Variants in USH2A observed in about 807,000 individuals in gnomAD.
USH2A encodes Usher syndrome 2A (autosomal recessive, mild).
A neutral mutation model predicts 538.9 loss-of-function variants in USH2A; 443 were observed. That is an observed-to-expected ratio of 0.82 (90% CI 0.76 to 0.89). The LOEUF is 0.89. Among genes scored for constraint, USH2A ranks in the 40% least tolerant of loss-of-function variants. USH2A has a pLI of 0.00. For missense variants in USH2A, 6,633 were observed against 6,324.8 expected (o/e 1.05, Z -1.65); for synonymous variants, 2,413 against 2,273.5 (o/e 1.06, Z -1.75).
intron 71 of USH2A, 89 bp from the exon 72 acceptor site, chr1:215,625,959 AG>A: frequency 7.5e-7 from 1 of 1,325,852 alleles, no homozygotes. Context: ...AAGTGTAAAA[AG>A]TAATAAGTAT....
At chr1:215,785,442 C>T (rs1234796468) in intron 52 of USH2A, among the ~76,000 whole-genome samples, 1 of 152,138 alleles carries the variant, frequency 6.6e-6, no homozygotes, top group Non-Finnish European at 1.5e-5. Context: ...TGGCGAGTAA[C>T]TTTTACAGAT....
intron 35 of USH2A, among the ~76,000 whole-genome samples, chr1:215,985,062 G>T (rs912419142): frequency 6.6e-6 from 1 of 152,108 alleles, no homozygotes; most frequent in Admixed American, 6.6e-5. Context: ...AGTTACGCAA[G>T]GTTTGCTCAA....
At chr1:215,925,674 T>G (rs981382600) in intron 38 of USH2A, among the ~76,000 whole-genome samples, 2 of 149,418 alleles carry the variant, frequency 1.3e-5, no homozygotes, top group East Asian at 1.9e-4. Context: ...CATCTTAGCC[T>G]ATTGCTTATT....
chr1:215,659,950 T>C (rs938026630), intron 64 of USH2A, among the ~76,000 whole-genome samples: 4 of 152,196 alleles, frequency 2.6e-5, no homozygotes, highest in Non-Finnish European at 5.9e-5. Context: ...AATAACAACA[T>C]CTATCCCACA....
At chr1:216,039,031 C>G (rs895853868) in intron 32 of USH2A, among the ~76,000 whole-genome samples, 2 of 151,986 alleles carry the variant, frequency 1.3e-5, no homozygotes, top group Non-Finnish European at 2.9e-5. Flanking sequence ...TATTTTATTT[C>G]TTCACATACG....
Position 215,888,581 on chromosome 1 carries a change from G to C in USH2A, c.8068C>G (p.Leu2690Val). ...TATTCATATTTTGTCCATGGGCTAA[G>C]AGCAGAAGTCTTGTCAATAAACCTC... ...SMRFIDKTSA[L>V]SPWTKYEYRV... Residue 2690 changes from leucine to valine, a missense_variant, in exon 41 of 72, where the codon CTT becomes GTT. Coordinates refer to ENST00000307340, the MANE Select transcript of USH2A (RefSeq NM_206933.4). 1 of 1,614,172 alleles carries C rather than the reference G, an allele frequency of 6.2e-7. No individual in the cohort carries two copies. The highest frequency in any genetic ancestry group is 8.5e-7 in the Non-Finnish European group (1 of 1,180,028).
At chr1:215,692,351 A>G (rs2820700) in intron 61 of USH2A, among the ~76,000 whole-genome samples, 27,039 of 152,076 alleles carry the variant, frequency 0.18, 2,610 homozygotes, top group African/African-American at 0.25. Flanking sequence ...GGAGTCACAT[A>G]TTTAAAAAAT....
At chr1:215,956,131 A>G (rs747058746) in intron 37 of USH2A, among the ~76,000 whole-genome samples, 2 of 152,188 alleles carry the variant, frequency 1.3e-5, no homozygotes, top group Non-Finnish European at 2.9e-5. Context: ...TAAAATGGCT[A>G]TATGTTCAGT....
At chr1:216,135,856 A>G (rs1433921118) in intron 21 of USH2A, among the ~76,000 whole-genome samples, 3 of 152,146 alleles carry the variant, frequency 2.0e-5, no homozygotes, top group African/African-American at 7.2e-5. Context: ...TTCTGCATTT[A>G]TAGTCCAAAA....
At chr1:215,848,418 A>G (rs1246901325) in intron 44 of USH2A, among the ~76,000 whole-genome samples, 2 of 152,216 alleles carry the variant, frequency 1.3e-5, no homozygotes, top group African/African-American at 4.8e-5. Context: ...TATCTGCACT[A>G]TCAAGTTCCA....
chr1:215,836,998 CTAAT>C (rs1371770797), intron 47 of USH2A, among the ~76,000 whole-genome samples: 1 of 151,914 alleles, frequency 6.6e-6, no homozygotes, highest in Non-Finnish European at 1.5e-5. Context: ...GGATTATAAA[CTAAT>C]TAGTATGCCA....
chr1:216,046,373 G>A (rs1363287361), intron 32 of USH2A, 58 bp downstream of exon 32: 23 of 1,600,910 alleles, frequency 1.4e-5, no homozygotes, highest in Non-Finnish European at 1.8e-5. Context: ...CCAACTATAT[G>A]TATGTTTATA....
chr1:216,313,841 T>C (rs1339230372), intron 9 of USH2A, among the ~76,000 whole-genome samples: 1 of 152,200 alleles, frequency 6.6e-6, no homozygotes, highest in African/African-American at 2.4e-5. Flanking sequence ...AAGGCACTAC[T>C]CTGCTGTCTT....
intron 61 of USH2A, among the ~76,000 whole-genome samples, chr1:215,723,729 C>G (rs745830807): frequency 6.6e-6 from 1 of 151,990 alleles, no homozygotes. Flanking sequence ...ACAGCAGGCA[C>G]AGAAAGGAAA....
At chr1:216,232,945 A>G (rs1347375580) in intron 13 of USH2A, among the ~76,000 whole-genome samples, 2 of 152,202 alleles carry the variant, frequency 1.3e-5, no homozygotes, top group African/African-American at 4.8e-5. Flanking sequence ...CTAAAATGGT[A>G]GAGTTAATGG....
chr1:215,689,809 A>T (rs751505806), intron 61 of USH2A, among the ~76,000 whole-genome samples: 1 of 152,214 alleles, frequency 6.6e-6, no homozygotes, highest in Non-Finnish European at 1.5e-5. Flanking sequence ...ATGTTTCTCC[A>T]TTCAAACCTC....
intron 20 of USH2A, among the ~76,000 whole-genome samples, chr1:216,181,466 T>G (rs1403878963): frequency 6.6e-6 from 1 of 152,104 alleles, no homozygotes; most frequent in Non-Finnish European, 1.5e-5. Flanking sequence ...AAATATGATT[T>G]GTCTATGTGT....
chr1:216,328,693 A>G (rs1489588535), intron 4 of USH2A, among the ~76,000 whole-genome samples: 1 of 152,008 alleles, frequency 6.6e-6, no homozygotes, highest in Non-Finnish European at 1.5e-5. Context: ...ATGGCTGATA[A>G]ATAAAACATG....
chr1:216,029,983 G>GATATATATGAT (rs1558220325), intron 32 of USH2A, among the ~76,000 whole-genome samples: 1 of 87,584 alleles, frequency 1.1e-5, no homozygotes, highest in African/African-American at 3.3e-5. Flanking sequence ...GAGAGATATA[G>GATATATATGAT]ATATATCATA....
Sources: gnomAD v4.1 joint callset for allele counts (sites outside exome capture counted in the v4.1 genomes callset) on GRCh38, gnomAD v4.1.1 for gene constraint, MANE v1.5 for transcripts, NCBI Gene and HGNC (gene_info 2026-07-23, HGNC 2026-07-21) for gene names.